Variants in CYP2C19 observed in about 807,000 individuals in gnomAD.
The protein encoded by CYP2C19 is cytochrome P450 family 2 subfamily C member 19.
CYP2C19 carries 59 observed loss-of-function variants against 40.9 expected under a neutral mutation model. That is an observed-to-expected ratio of 1.44 (90% CI 1.17 to 1.79). The LOEUF (loss-of-function observed/expected upper bound fraction) is 1.79. Ranked by LOEUF, CYP2C19 falls within the 40% of genes most tolerant of loss-of-function variation. The probability of loss-of-function intolerance (pLI) is 0.00; values close to 1 mark genes in which losing one functional copy is unlikely to be tolerated. For missense variants in CYP2C19, 754 were observed against 596.9 expected (o/e 1.26, Z -2.74); for synonymous variants, 253 against 208.7 (o/e 1.21, Z -1.83).
chr10:94,792,431 T>A (rs77819408), intron 5 of CYP2C19, among the ~76,000 whole-genome samples: 11,560 of 152,134 alleles, frequency 0.076, 512 homozygotes, highest in South Asian at 0.12. Context: ...GTTAGTTGGC[T>A]CAGTTTCTTC....
At chr10:94,792,014 C>A (rs1452586824) in intron 5 of CYP2C19, among the ~76,000 whole-genome samples, 1 of 152,082 alleles carries the variant, frequency 6.6e-6, no homozygotes, top group East Asian at 1.9e-4. Flanking sequence ...CTTTGTAGGT[C>A]TCTAAGGACC....
rs554542134 is a variant in CYP2C19 at position 94,775,099 on chromosome 10, C to G, written c.210C>G (p.Gly70=). Residue 70 remains glycine, a synonymous_variant, in exon 2 of 9, where the codon GGC becomes GGG. Transcript: ENST00000371321. ...IYGPVFTLYF[G]LERMVVLHGY... is the part of the protein sequence containing the mutation. Reference sequence around the variant, plus strand: ...GCCCTGTGTTCACTCTGTATTTTGGCCTGGAACGCATGGTGGTGCTGCATG... The same window carrying G: ...GCCCTGTGTTCACTCTGTATTTTGGGCTGGAACGCATGGTGGTGCTGCATG... 10 of 1,613,950 alleles carry G rather than the reference C, an allele frequency of 6.2e-6. No homozygotes were observed. Among genetic ancestry groups the G allele is most frequent in the African/African-American group, 1.3e-5 (1 of 74,906 alleles).
intron 1 of CYP2C19, among the ~76,000 whole-genome samples, chr10:94,768,285 G>C (rs193260079): frequency 6.6e-6 from 1 of 152,178 alleles, no homozygotes; most frequent in East Asian, 1.9e-4. Flanking sequence ...TTCAAGTACA[G>C]TTACACCACT....
At chr10:94,827,010 GC>G (rs1212239038) in intron 6 of CYP2C19, among the ~76,000 whole-genome samples, 2 of 152,130 alleles carry the variant, frequency 1.3e-5, no homozygotes, top group African/African-American at 4.8e-5. Context: ...CAGGGATGAA[GC>G]CCACTCGATC....
At chr10:94,827,280 T>A (rs944722387) in intron 6 of CYP2C19, among the ~76,000 whole-genome samples, 4 of 152,084 alleles carry the variant, frequency 2.6e-5, no homozygotes, top group African/African-American at 4.8e-5. Context: ...CGGCTGTGAA[T>A]CCGTCTGGTC....
intron 6 of CYP2C19, among the ~76,000 whole-genome samples, chr10:94,837,740 T>C (rs998722219): frequency 1.3e-5 from 2 of 151,928 alleles, no homozygotes; most frequent in African/African-American, 4.8e-5. Flanking sequence ...CCCTCAATGG[T>C]CAAGCATACC....
At chr10:94,820,379 G>A (rs981910264) in intron 5 of CYP2C19, 117 bp from the exon 6 acceptor site, 4 of 1,195,584 alleles carry the variant, frequency 3.3e-6, no homozygotes, top group African/African-American at 3.0e-5. Flanking sequence ...TTTTTTTCTA[G>A]TACTATACTT....
chr10:94,803,087 G>C (rs962639109), intron 5 of CYP2C19, among the ~76,000 whole-genome samples: 7 of 152,078 alleles, frequency 4.6e-5, no homozygotes, highest in Non-Finnish European at 1.5e-5. Flanking sequence ...AGGGTTCATT[G>C]CTGGGGAGTT....
chr10:94,770,073 C>T (rs1297563755), intron 1 of CYP2C19, among the ~76,000 whole-genome samples: 1 of 152,124 alleles, frequency 6.6e-6, no homozygotes, highest in East Asian at 1.9e-4. Flanking sequence ...TCATCCAGGA[C>T]AGGAGATTAA....
At chr10:94,782,626 T>G (rs1002129632) in intron 5 of CYP2C19, among the ~76,000 whole-genome samples, 1 of 152,150 alleles carries the variant, frequency 6.6e-6, no homozygotes, top group African/African-American at 2.4e-5. Context: ...ATCCAAAGGA[T>G]TATAAATTAT....
chr10:94,846,315 G>T (rs1849572385), intron 7 of CYP2C19, among the ~76,000 whole-genome samples: 1 of 152,066 alleles, frequency 6.6e-6, no homozygotes, highest in Non-Finnish European at 1.5e-5. Flanking sequence ...TTATATTCCA[G>T]TTATGACTTT....
chr10:94,851,438 G>T (rs535074790), intron 8 of CYP2C19, among the ~76,000 whole-genome samples: 1 of 132,432 alleles, frequency 7.6e-6, no homozygotes, highest in East Asian at 2.2e-4. Flanking sequence ...AAGCATACCA[G>T]CACACAAATA....
At position 94,775,312 on chromosome 10, in the gene CYP2C19, A is replaced by G. The variant is rs1266439133; in HGVS notation, c.332-78A>G. The G allele has an allele frequency of 3.7e-6, 6 of 1,612,298 alleles. No homozygotes were observed. In the African/African-American group the frequency reaches 6.7e-5, roughly 18 times the overall value. The stretch of plus-strand genomic sequence containing the variant: ...GAGCTTCTCGGGCAGAGCTTGGCCC[A>G]TCCACATGGCTGCCCAGTGTCAGCT... On this transcript the variant is annotated intron_variant, in intron 2 of 8. Transcript: ENST00000371321.
chr10:94,782,790 T>C (rs1848496036), intron 5 of CYP2C19, among the ~76,000 whole-genome samples: 1 of 152,044 alleles, frequency 6.6e-6, no homozygotes, highest in South Asian at 2.1e-4. Flanking sequence ...ATAAAAAAGA[T>C]GAATTCATGT....
chr10:94,808,850 G>T (rs921055061), intron 5 of CYP2C19, among the ~76,000 whole-genome samples: 2 of 152,066 alleles, frequency 1.3e-5, no homozygotes, highest in Admixed American at 1.3e-4. Flanking sequence ...TGAACACTTA[G>T]GTTGCTTCCA....
chr10:94,851,228 T>C (rs1242313268), intron 8 of CYP2C19, among the ~76,000 whole-genome samples: 1 of 148,852 alleles, frequency 6.7e-6, no homozygotes, highest in African/African-American at 2.4e-5. Flanking sequence ...GCATATATTT[T>C]CATGGAAGAG....
At chr10:94,792,528 A>G (rs1202268398) in intron 5 of CYP2C19, among the ~76,000 whole-genome samples, 1 of 152,054 alleles carries the variant, frequency 6.6e-6, no homozygotes, top group Non-Finnish European at 1.5e-5. Context: ...CTCCTGCAGG[A>G]GCTCTTGTAA....
chr10:94,786,279 C>T (rs563540927), intron 5 of CYP2C19, among the ~76,000 whole-genome samples: 1 of 151,978 alleles, frequency 6.6e-6, no homozygotes, highest in African/African-American at 2.4e-5. Flanking sequence ...AAAAAGGTCA[C>T]GGGTATTTTG....
At chr10:94,805,203 A>G (rs1848816832) in intron 5 of CYP2C19, among the ~76,000 whole-genome samples, 1 of 152,060 alleles carries the variant, frequency 6.6e-6, no homozygotes, top group African/African-American at 2.4e-5. Flanking sequence ...CAGTTTTCAT[A>G]AATATGCTTT....
Sources: gnomAD v4.1 joint callset for allele counts (sites outside exome capture counted in the v4.1 genomes callset) on GRCh38, gnomAD v4.1.1 for gene constraint, MANE v1.5 for transcripts, NCBI Gene and HGNC (gene_info 2026-07-23, HGNC 2026-07-21) for gene names.